The following SKAP2 variants were observed in gnomAD, a reference collection of about 807,000 sequenced individuals.
SKAP2 encodes the protein src kinase associated phosphoprotein 2.
SKAP2 carries 28 observed loss-of-function variants against 54.9 expected under a neutral mutation model. The observed-to-expected ratio is 0.51, with a 90% CI of 0.38 to 0.70. SKAP2 has a LOEUF of 0.70. Ranked by LOEUF, SKAP2 falls within the 30% of genes least tolerant of loss-of-function variation. The probability of loss-of-function intolerance (pLI) is 0.00; values close to 1 mark genes in which losing one functional copy is unlikely to be tolerated. For synonymous variants in SKAP2, 137 were observed against 134.3 expected, an observed-to-expected ratio of 1.02 and a Z score of -0.14; for missense variants, 356 against 424.1, an observed-to-expected ratio of 0.84 and a Z score of 1.41.
At chr7:26,781,911 T>C (rs1237284650) in intron 4 of SKAP2, among the ~76,000 whole-genome samples, 2 of 152,224 alleles carry the variant, frequency 1.3e-5, no homozygotes, top group African/African-American at 4.8e-5. Flanking sequence ...CTGTTTCTTC[T>C]TCAAGGAAGC....
At chr7:26,714,259 C>G (rs1419465999) in intron 9 of SKAP2, among the ~76,000 whole-genome samples, 2 of 151,880 alleles carry the variant, frequency 1.3e-5, no homozygotes, top group African/African-American at 2.4e-5. Context: ...GGATCTAGTC[C>G]AAAAAACTCA....
At chr7:26,854,262 C>A in intron 2 of SKAP2, 100 bp from the exon 3 acceptor site, 1 of 678,816 alleles carries the variant, frequency 1.5e-6, no homozygotes, top group Non-Finnish European at 2.5e-6. Context: ...TAAAAATACA[C>A]ACCTAGATAT....
At chr7:26,725,060 G>T (rs1175566744) in intron 9 of SKAP2, among the ~76,000 whole-genome samples, 1 of 152,016 alleles carries the variant, frequency 6.6e-6, no homozygotes, top group East Asian at 1.9e-4. Context: ...GAAGTTCCAA[G>T]ATGTATAAAT....
intron 9 of SKAP2, among the ~76,000 whole-genome samples, chr7:26,705,374 A>C (rs987907574): frequency 5.9e-5 from 9 of 152,218 alleles, no homozygotes; most frequent in Non-Finnish European, 1.2e-4. Flanking sequence ...TACTTAATTA[A>C]GGGATCATTC....
intron 4 of SKAP2, among the ~76,000 whole-genome samples, chr7:26,824,478 A>G (rs981613203): frequency 6.6e-6 from 1 of 152,224 alleles, no homozygotes; most frequent in African/African-American, 2.4e-5. Context: ...GAAATTTTCA[A>G]AAGTCAAATA....
chr7:26,741,580 T>TA (rs1562593949), intron 4 of SKAP2, among the ~76,000 whole-genome samples: 2 of 16,202 alleles, frequency 1.2e-4, no homozygotes, highest in African/African-American at 4.0e-4. Context: ...ATAAATAAAT[T>TA]AATAAAATGA....
chr7:26,858,747 G>A (rs1349688390), intron 1 of SKAP2, among the ~76,000 whole-genome samples: 2 of 152,028 alleles, frequency 1.3e-5, no homozygotes, highest in African/African-American at 4.8e-5. Context: ...GTGAAAAGGT[G>A]GAACTACACC....
At chr7:26,744,948 A>G (rs1180824256) in intron 4 of SKAP2, among the ~76,000 whole-genome samples, 1 of 152,200 alleles carries the variant, frequency 6.6e-6, no homozygotes, top group African/African-American at 2.4e-5. Flanking sequence ...TAAGGAATCC[A>G]AAGCCTTATT....
chr7:26,826,118 T>TACACACACAC lies in SKAP2; in HGVS notation c.307+17902_307+17911dup, dbSNP rs10601131. Reference sequence around the variant, plus strand: ...ATCCAGACCTAGCCAATTCGTGCAATACACACACACACACACACACACACG... The same window carrying TACACACACAC: ...ATCCAGACCTAGCCAATTCGTGCAATACACACACACACACACACACACACACACACACACG... On this transcript the variant is annotated intron_variant, in intron 4 of 12. Transcript: ENST00000345317. Among the ~76,000 whole-genome samples, 1,275 of 150,124 alleles carry TACACACACAC rather than the reference T, an allele frequency of 8.5e-3. 7 individuals carry two copies. The highest frequency in any genetic ancestry group is 0.016 in the South Asian group (75 of 4,734).
chr7:26,857,400 T>A (rs1374683768), intron 1 of SKAP2: 1 of 954,808 alleles, frequency 1.0e-6, no homozygotes, highest in African/African-American at 1.8e-5. Flanking sequence ...CAAACTTGGT[T>A]GGTTTTTAAG....
intron 4 of SKAP2, among the ~76,000 whole-genome samples, chr7:26,749,982 C>T (rs1782645997): frequency 6.6e-6 from 1 of 151,742 alleles, no homozygotes; most frequent in East Asian, 1.9e-4. Context: ...GTCATCATCT[C>T]ATGTCATCAT....
In SKAP2 at chr7:26,668,478, A is replaced by C. The variant is rs10248592; in HGVS notation, c.*1188T>G. 6.6e-6 allele frequency: 1 copy of C among 151,878 alleles called. No individual in the cohort carries two copies. Among genetic ancestry groups the C allele is most frequent in the African/African-American group, 2.4e-5 (1 of 41,334 alleles). 9.4% of individuals were successfully genotyped at this position (151,878 alleles called of 1,614,324 possible). On this transcript the variant is annotated 3_prime_UTR_variant, in exon 13 of 13. Transcript: ENST00000345317. Reference sequence around the variant, plus strand: ...TACCTTTCTACTCACCTGTTGGTACATGCTACCACTGGGATTTCTACACTC... The same window carrying C: ...TACCTTTCTACTCACCTGTTGGTACCTGCTACCACTGGGATTTCTACACTC...
intron 4 of SKAP2, among the ~76,000 whole-genome samples, chr7:26,745,543 T>C (rs1782544009): frequency 6.6e-6 from 1 of 152,232 alleles, no homozygotes; most frequent in African/African-American, 2.4e-5. Flanking sequence ...TGTAGTAAAC[T>C]ACCAAAAATG....
rs915401422 is a variant in SKAP2 at position 26,668,665 on chromosome 7, T to TTC, written c.*1000_*1001insGA. ...TTTGAGAATACACTGAGATTCTGTTTTTTTTTTTTTTTTTTTCTGAGATGG... is the reference window on the plus strand; with the variant it reads ...TTTGAGAATACACTGAGATTCTGTTTTCTTTTTTTTTTTTTTTTCTGAGATGG... On this transcript the variant is annotated 3_prime_UTR_variant, in exon 13 of 13. Coordinates refer to ENST00000345317, the MANE Select transcript of SKAP2 (RefSeq NM_003930.5). 6.7e-6 allele frequency: 1 copy of TTC among 149,628 alleles called. No homozygotes were observed. The highest frequency in any genetic ancestry group is 1.5e-5 in the Non-Finnish European group (1 of 67,396). The allele number at this position is 149,628 out of a possible 1,614,324, so 9.3% of individuals were successfully genotyped here.
At position 26,859,050 on chromosome 7, in the gene SKAP2, G is replaced by A. The variant is rs772257716; in HGVS notation, c.68-4160C>T. ...GAATTGTATGGGGGAGGGGGAGGGC[G>A]CAAGAATTGGGCTGAATCTACCACC... On this transcript the variant is annotated intron_variant, in intron 1 of 12. Transcript: ENST00000345317. Among the ~76,000 whole-genome samples, 6 of 152,156 alleles carry A rather than the reference G, an allele frequency of 3.9e-5. 1 individual carries two copies. Among genetic ancestry groups the A allele is most frequent in the East Asian group, 1.9e-4 (1 of 5,166 alleles).
intron 4 of SKAP2, among the ~76,000 whole-genome samples, chr7:26,811,791 A>C (rs1305260088): frequency 6.6e-6 from 1 of 152,196 alleles, no homozygotes; most frequent in Admixed American, 6.5e-5. Flanking sequence ...CAGACTAATA[A>C]ATACAAGTAA....
chr7:26,670,013 A>T, intron 12 of SKAP2, 78 bp downstream of exon 12: 1 of 578,818 alleles, frequency 1.7e-6, no homozygotes, highest in Non-Finnish European at 3.2e-6. Context: ...AAAGACTTTT[A>T]AAAAGGCAAA....
chr7:26,833,639 T>A (rs1784643946), intron 4 of SKAP2, among the ~76,000 whole-genome samples: 1 of 152,086 alleles, frequency 6.6e-6, no homozygotes, highest in Non-Finnish European at 1.5e-5. Flanking sequence ...CATTACATAA[T>A]GGTAAAGACA....
intron 4 of SKAP2, among the ~76,000 whole-genome samples, chr7:26,776,606 C>T (rs1322559745): frequency 3.3e-5 from 5 of 152,038 alleles, no homozygotes; most frequent in Non-Finnish European, 7.4e-5. Flanking sequence ...ACTCTATCTC[C>T]GAAATATCTG....
Sources: gnomAD v4.1 joint callset for allele counts (sites outside exome capture counted in the v4.1 genomes callset) on GRCh38, gnomAD v4.1.1 for gene constraint, MANE v1.5 for transcripts, NCBI Gene and HGNC (gene_info 2026-07-23, HGNC 2026-07-21) for gene names.